GCN1: variants seen among roughly 807,000 people sequenced by gnomAD.
GCN1 encodes the protein stalled ribosome sensor GCN1.
Under a neutral mutation model 288.4 loss-of-function variants are expected in GCN1, and 90 were observed. That is an observed-to-expected ratio of 0.31 (90% CI 0.26 to 0.37). The LOEUF (loss-of-function observed/expected upper bound fraction) is 0.37, where lower values mean the gene tolerates loss of function less well. Among genes scored for constraint, GCN1 ranks in the 10% least tolerant of loss-of-function variants. The pLI, the probability that GCN1 is intolerant of heterozygous loss-of-function variation, is 1.00. For synonymous variants in GCN1, 1,386 were observed against 1,420.2 expected, an observed-to-expected ratio of 0.98 and a Z score of 0.54; for missense variants, 2,586 against 3,419.9, an observed-to-expected ratio of 0.76 and a Z score of 6.08.
chr12:120,184,929 C>A, intron 2 of GCN1, 42 bp from the exon 3 acceptor site: 1 of 1,364,122 alleles, frequency 7.3e-7, no homozygotes, highest in East Asian at 2.3e-5. Context: ...ATAAAAATCA[C>A]TTGGTAAGCC....
rs1312649026 is a variant in GCN1, at chr12:120,156,924, C to T, written c.3156G>A (p.Ser1052=). ...RLLTWVIGTG[S]PRLQVLASDT... ...AAAACCACATCACCTGTAAGCGAGG[C>T]GAGCCCGTCCCGATCACCCAAGTCA... The change falls in exon 27 of 58, where the codon TCG becomes TCA. Residue 1052 remains serine, a synonymous_variant. Transcript: ENST00000300648. This position sits in a 1 kb window ranked among gnomAD's most constrained non-coding sequence, Gnocchi z 5.8. The T allele has an allele frequency of 3.1e-6, 5 of 1,610,240 alleles. No homozygotes were observed. The highest frequency in any genetic ancestry group is 4.5e-5 in the East Asian group (2 of 44,860).
intron 7 of GCN1, 119 bp from the exon 8 acceptor site, chr12:120,177,871 T>C (rs1878529619): frequency 2.6e-6 from 2 of 780,984 alleles, no homozygotes; most frequent in Non-Finnish European, 4.5e-6. Flanking sequence ...CAAATTTCAG[T>C]GTTAAGCATA....
intron 2 of GCN1, among the ~76,000 whole-genome samples, chr12:120,185,632 A>G (rs1271677504): frequency 6.6e-6 from 1 of 151,914 alleles, no homozygotes; most frequent in Non-Finnish European, 1.5e-5. Context: ...ACGGAGTCTC[A>G]CTCTATCGCC....
At chr12:120,184,652 GA>G (rs1156358203) in intron 3 of GCN1, among the ~76,000 whole-genome samples, 171 bp downstream of exon 3, 29 of 152,106 alleles carry the variant, frequency 1.9e-4, no homozygotes, top group Admixed American at 1.9e-3. Flanking sequence ...TGCAGACAAG[GA>G]AACTGAGGCA....
At chr12:120,182,982 A>G (rs1363324289) in intron 5 of GCN1, among the ~76,000 whole-genome samples, 4 of 149,616 alleles carry the variant, frequency 2.7e-5, no homozygotes, top group Non-Finnish European at 5.9e-5. Flanking sequence ...CTAAAAAACC[A>G]CTCCTCATGA....
rs368545448 is a variant in GCN1 at position 120,161,746 on chromosome 12, G to C, written c.2342+134C>G. 7.4e-5 allele frequency: 72 copies of C among 974,980 alleles called. No homozygotes were observed. The East Asian group carries it at 1.6e-3, about 22-fold the overall frequency. The allele number at this position is 974,980 out of a possible 1,614,324, so 60.4% of individuals were successfully genotyped here. A position where few individuals can be genotyped will look rare whatever the true frequency, so the allele number is the denominator to read the frequency against. On this transcript the variant is annotated intron_variant, in intron 21 of 57. Transcript: ENST00000300648. ...CCCAGGACCTAAGCACCGTGCCGGG[G>C]ACACAACAGGCGCTTAGCCAATGAA... is the stretch of plus-strand genomic sequence containing the variant.
Position 120,176,200 on chromosome 12 carries a change from C to T in GCN1, c.856G>A (p.Ala286Thr), listed in dbSNP as rs1248791787. 3 of 1,609,376 alleles carry T rather than the reference C, an allele frequency of 1.9e-6. No individual in the cohort carries two copies. The African/African-American group carries it at 4.0e-5, about 22-fold the overall frequency. ...NVIETISSLL[A>T]SVTLDLSQYA... ...TGGCTGAGGTCAAGCGTCACTGATG[C>T]CAGCAGACTAGAAATAGCTAAGGGG... Residue 286 changes from alanine to threonine, a missense_variant, in exon 10 of 58, where the codon GCA (alanine) becomes ACA (threonine). Physicochemically the swap from Ala to Thr is moderately conservative, Grantham distance 58. Around this residue, in one of 8 missense-constraint regions of GCN1, gnomAD observed 913 missense variants for 1,107.0 expected, o/e 0.82. Transcript: ENST00000300648.
chr12:120,156,997 G>A lies in GCN1; in HGVS notation c.3088-5C>T, dbSNP rs778676632. 5.0e-5 allele frequency: 81 copies of A among 1,605,862 alleles called. No individual in the cohort carries two copies. The East Asian group carries it at 1.7e-3, about 34-fold the overall frequency. Reference sequence around the variant, plus strand: ...AGGCAGCAACTCCGGGCCATTCTAGGAGAGAACGGCAGGTAAGTCGAGATG... The same window carrying A: ...AGGCAGCAACTCCGGGCCATTCTAGAAGAGAACGGCAGGTAAGTCGAGATG... On this transcript the variant is annotated splice_region_variant and splice_polypyrimidine_tract_variant and intron_variant, in intron 26 of 57. Transcript: ENST00000300648. The surrounding 1 kb of genome is among the most constrained non-coding windows in gnomAD (Gnocchi z 5.8).
rs1320541072 is a variant in GCN1, at chr12:120,164,708, C to T, written c.1626G>A (p.Val542=). The T allele has an allele frequency of 1.2e-6, 2 of 1,611,896 alleles. No homozygotes were observed. The highest frequency in any genetic ancestry group is 2.7e-5 in the African/African-American group (2 of 74,956). The change falls in exon 17 of 58, where the codon GTG becomes GTA. Residue 542 remains valine, a synonymous_variant. Coordinates refer to ENST00000300648, the MANE Select transcript of GCN1 (RefSeq NM_006836.2). The part of the protein sequence containing the change: ...VMASEDALCT[V]LHLTERLFLD... The stretch of plus-strand genomic sequence containing the variant: ...GGAAAAGTCTCTCTGTCAGATGCAA[C>T]ACAGTACACAGGGCTTGGAGGGAAG...
At position 120,137,137 on chromosome 12, in the gene GCN1, CAG is replaced by C. The variant is rs1382823336; in HGVS notation, c.6777+67_6777+68del. The C allele has an allele frequency of 1.8e-6, 2 of 1,132,082 alleles. No homozygotes were observed. The highest frequency in any genetic ancestry group is 2.7e-6 in the Non-Finnish European group (2 of 744,942). The allele number at this position is 1,132,082 out of a possible 1,614,324, so 70.1% of individuals were successfully genotyped here. A position where few individuals can be genotyped will look rare whatever the true frequency, so the allele number is the denominator to read the frequency against. ...AGCAGCCCCTACCGCAGACCTGGGACAGGGGTAAGGGCCAGAAGGGCACAACA... is the reference window on the plus strand; with the variant it reads ...AGCAGCCCCTACCGCAGACCTGGGACGGGTAAGGGCCAGAAGGGCACAACA... On this transcript the variant is annotated intron_variant, in intron 50 of 57. Transcript: ENST00000300648. The surrounding 1 kb of genome is among the most constrained non-coding windows in gnomAD (Gnocchi z 5.2).
At chr12:120,179,279 G>A (rs1053845345) in intron 5 of GCN1, among the ~76,000 whole-genome samples, 8 of 151,672 alleles carry the variant, frequency 5.3e-5, no homozygotes, top group African/African-American at 1.9e-4. Flanking sequence ...TCGCCAGGCT[G>A]GAGTGCAGTG....
At chr12:120,160,321 A>C (rs962061684) in intron 22 of GCN1, 66 bp from the exon 23 acceptor site, 8 of 1,134,842 alleles carry the variant, frequency 7.0e-6, no homozygotes, top group Non-Finnish European at 6.6e-6. Flanking sequence ...CCAACAGAGG[A>C]AGGTGAGCTT....
chr12:120,159,196 C>G (rs1877849061), intron 24 of GCN1, among the ~76,000 whole-genome samples: 1 of 152,164 alleles, frequency 6.6e-6, no homozygotes, highest in African/African-American at 2.4e-5. Context: ...ACAGCTCTAT[C>G]TGTGCAGCAT....
chr12:120,164,410 G>A lies in GCN1; in HGVS notation c.1774C>T (p.Leu592=). Reference sequence around the variant, plus strand: ...AGCTTAAAGCCCCCAAGAGAGGACAGCAGCTTCCGAACTGTCTGCTGAGCC... The same window carrying A: ...AGCTTAAAGCCCCCAAGAGAGGACAACAGCTTCCGAACTGTCTGCTGAGCC... ...RQAQQTVRKL[L]SSLGGFKLAH... is the part of the protein sequence containing the mutation. The change falls in exon 18 of 58, where the codon CTG becomes TTG. Residue 592 remains leucine, a synonymous_variant. Transcript: ENST00000300648. 6.2e-7 allele frequency: 1 copy of A among 1,614,194 alleles called. No homozygotes were observed. The highest frequency in any genetic ancestry group is 1.3e-5 in the African/African-American group (1 of 75,054).
At position 120,158,346 on chromosome 12, in the gene GCN1, C is replaced by T. The variant is rs971195238; in HGVS notation, c.2905+114G>A. On this transcript the variant is annotated intron_variant, in intron 25 of 57. Coordinates refer to ENST00000300648, the MANE Select transcript of GCN1 (RefSeq NM_006836.2). This position sits in a 1 kb window ranked among gnomAD's most constrained non-coding sequence, Gnocchi z 4.3. ...TACGAAGGTTCAATTCAGAAATCCT[C>T]CATATGGTCCAATCCCCCAGGCTCA... is the stretch of plus-strand genomic sequence containing the variant. The T allele has an allele frequency of 6.7e-6, 6 of 890,574 alleles. No homozygotes were observed. The highest frequency in any genetic ancestry group is 8.4e-6 in the Non-Finnish European group (5 of 598,206). 55.2% of individuals were successfully genotyped at this position (890,574 alleles called of 1,614,324 possible). A position where few individuals can be genotyped will look rare whatever the true frequency, so the allele number is the denominator to read the frequency against.
rs1017789475 is a variant in GCN1, at chr12:120,137,489, A to C, written c.6663+56T>G. The C allele has an allele frequency of 1.6e-5, 26 of 1,580,508 alleles. No homozygotes were observed. The Admixed American group carries it at 3.5e-4, about 22-fold the overall frequency. The stretch of plus-strand genomic sequence containing the variant: ...GGATTCTTATAAGTCTATTCCTGTA[A>C]ATGTCTGGAATTTTCTAAAAGCAAA... On this transcript the variant is annotated intron_variant, in intron 49 of 57. Transcript: ENST00000300648. The surrounding 1 kb of genome is among the most constrained non-coding windows in gnomAD (Gnocchi z 5.2).
chr12:120,145,146 G>A, intron 39 of GCN1, 85 bp from the exon 40 acceptor site: 1 of 1,576,124 alleles, frequency 6.3e-7, no homozygotes, highest in Non-Finnish European at 8.7e-7. Flanking sequence ...GGGGCACCGA[G>A]GGCCTCTTTC....
rs549036776 is a variant in GCN1, at chr12:120,144,227, C to T, written c.5495+79G>A. 1.7e-5 allele frequency: 26 copies of T among 1,510,724 alleles called. No homozygotes were observed. In the Middle Eastern group the frequency reaches 5.1e-4, roughly 30 times the overall value. 93.6% of individuals were successfully genotyped at this position (1,510,724 alleles called of 1,614,324 possible). Reference sequence around the variant, plus strand: ...CTGGGTTTAAGCAATCCTCCTGCCTCGGCTTTCCAGAGTGCTCGGATTATA... The same window carrying T: ...CTGGGTTTAAGCAATCCTCCTGCCTTGGCTTTCCAGAGTGCTCGGATTATA... On this transcript the variant is annotated intron_variant, in intron 42 of 57. Coordinates refer to ENST00000300648, the MANE Select transcript of GCN1 (RefSeq NM_006836.2). This position sits in a 1 kb window ranked among gnomAD's most constrained non-coding sequence, Gnocchi z 4.7.
At chr12:120,175,053 G>A in intron 12 of GCN1, 109 bp downstream of exon 12, 2 of 889,952 alleles carry the variant, frequency 2.2e-6, no homozygotes, top group Non-Finnish European at 3.5e-6. Context: ...CTTGAACCTG[G>A]GAGGCAGAGG....
Sources: allele counts gnomAD v4.1 joint callset (sites outside exome capture counted in the v4.1 genomes callset), GRCh38; gene constraint gnomAD v4.1.1; regional missense constraint gnomAD v4.1.1; non-coding constraint Gnocchi (gnomAD v3.1); transcripts MANE v1.5; gene names NCBI Gene and HGNC (gene_info 2026-07-23, HGNC 2026-07-21).